ELMO1: variants seen among roughly 807,000 people sequenced by gnomAD.
ELMO1 encodes the protein engulfment and cell motility protein 1.
In ELMO1, 26 loss-of-function variants were observed where a neutral mutation model predicts 98.9. The ratio of observed to expected loss-of-function variants is 0.26; its 90% CI spans 0.19 to 0.36. The LOEUF (loss-of-function observed/expected upper bound fraction) is 0.36. Ranked by LOEUF, ELMO1 falls within the 10% of genes least tolerant of loss-of-function variation. The pLI is 1.00. For missense variants in ELMO1, 627 were observed against 935.2 expected, an observed-to-expected ratio of 0.67 and a Z score of 4.30; for synonymous variants, 346 against 346.0, an observed-to-expected ratio of 1.00 and a Z score of 0.00.
At chr7:37,289,689 C>A (rs898975676) in intron 4 of ELMO1, among the ~76,000 whole-genome samples, 3 of 152,200 alleles carry the variant, frequency 2.0e-5, no homozygotes, top group Admixed American at 6.5e-5. Context: ...TGGAAGCAAA[C>A]AACCCAGCAG....
chr7:37,170,400 A>T (rs1329668709), intron 13 of ELMO1, among the ~76,000 whole-genome samples: 2 of 152,198 alleles, frequency 1.3e-5, no homozygotes, highest in Non-Finnish European at 2.9e-5. Context: ...GAGATATACC[A>T]GAGCAGTTAC....
At chr7:37,272,806 A>G (rs191666122) in intron 4 of ELMO1, among the ~76,000 whole-genome samples, 11 of 152,386 alleles carry the variant, frequency 7.2e-5, no homozygotes, top group African/African-American at 2.6e-4. Context: ...TTTGCATGAA[A>G]TGTCCAGGAT....
At chr7:37,134,892 T>C (rs111452929) in intron 13 of ELMO1, among the ~76,000 whole-genome samples, 3 of 152,268 alleles carry the variant, frequency 2.0e-5, no homozygotes, top group African/African-American at 4.8e-5. Flanking sequence ...TGTGGAATGA[T>C]AGACAATGCA....
chr7:37,123,236 A>G (rs1212584521), intron 14 of ELMO1, among the ~76,000 whole-genome samples: 1 of 152,220 alleles, frequency 6.6e-6, no homozygotes, highest in Non-Finnish European at 1.5e-5. Flanking sequence ...CTAGAGAAGC[A>G]AGAGCAAACA....
At chr7:36,912,214 G>T (rs573761766) in intron 16 of ELMO1, among the ~76,000 whole-genome samples, 1 of 152,304 alleles carries the variant, frequency 6.6e-6, no homozygotes, top group East Asian at 1.9e-4. Flanking sequence ...CAACTTCTGA[G>T]ATACTGCATA....
chr7:37,102,917 G>T (rs1205892186), intron 14 of ELMO1, among the ~76,000 whole-genome samples: 1 of 152,200 alleles, frequency 6.6e-6, no homozygotes, highest in South Asian at 2.1e-4. Flanking sequence ...ACAAAGGAGT[G>T]ATCAGCACTG....
chr7:37,216,838 G>A (rs1793312442), intron 10 of ELMO1, 143 bp from the exon 11 acceptor site: 2 of 757,180 alleles, frequency 2.6e-6, no homozygotes, highest in Non-Finnish European at 4.3e-6. Flanking sequence ...CAAACAGGCA[G>A]TAGTATTCAA....
chr7:37,140,775 G>GA (rs140163188), intron 13 of ELMO1, among the ~76,000 whole-genome samples: 126,585 of 152,114 alleles, frequency 0.83, 53,351 homozygotes, highest in Non-Finnish European at 0.9. Flanking sequence ...CAAGCATACG[G>GA]AAAAAATGCT....
chr7:36,988,565 T>A (rs941484317), intron 16 of ELMO1, among the ~76,000 whole-genome samples: 1 of 152,186 alleles, frequency 6.6e-6, no homozygotes, highest in Non-Finnish European at 1.5e-5. Flanking sequence ...AAAACAGAGC[T>A]ATGAACTCTG....
intron 1 of ELMO1, among the ~76,000 whole-genome samples, chr7:37,407,018 T>C (rs1205635545): frequency 6.6e-6 from 1 of 152,176 alleles, no homozygotes; most frequent in African/African-American, 2.4e-5. Flanking sequence ...GAGAACACTT[T>C]GGTAATTTAT....
intron 2 of ELMO1, among the ~76,000 whole-genome samples, chr7:37,323,271 G>C (rs1380156339): frequency 6.6e-6 from 1 of 152,162 alleles, no homozygotes; most frequent in African/African-American, 2.4e-5. Flanking sequence ...TTCTTATTAA[G>C]GATGTATTCC....
chr7:37,301,371 C>T (rs1798334987), intron 4 of ELMO1, among the ~76,000 whole-genome samples: 1 of 151,880 alleles, frequency 6.6e-6, no homozygotes, highest in Non-Finnish European at 1.5e-5. Flanking sequence ...GTTATTCTCT[C>T]CTCTTTATCT....
At chr7:37,310,796 G>A (rs1798850493) in intron 4 of ELMO1, among the ~76,000 whole-genome samples, 1 of 152,144 alleles carries the variant, frequency 6.6e-6, no homozygotes. Context: ...GTCTCAGCTT[G>A]TCCACTTCTG....
At chr7:37,316,321 G>T (rs755184570) in intron 2 of ELMO1, among the ~76,000 whole-genome samples, 4 of 152,164 alleles carry the variant, frequency 2.6e-5, no homozygotes, top group Non-Finnish European at 5.9e-5. Flanking sequence ...AATCCCTCAG[G>T]AGTAGTACAT....
intron 15 of ELMO1, among the ~76,000 whole-genome samples, chr7:37,041,057 G>A (rs1367380141): frequency 2.0e-5 from 3 of 152,078 alleles, no homozygotes; most frequent in Non-Finnish European, 4.4e-5. Flanking sequence ...TCCAGCCTGG[G>A]CAACAGAGTG....
intron 1 of ELMO1, among the ~76,000 whole-genome samples, chr7:37,347,241 T>G (rs1801050694): frequency 6.6e-6 from 1 of 152,236 alleles, no homozygotes; most frequent in East Asian, 1.9e-4. Flanking sequence ...TAATCACTGT[T>G]ACTTCTGATG....
intron 16 of ELMO1, among the ~76,000 whole-genome samples, chr7:36,922,594 A>G (rs1785236211): frequency 6.6e-6 from 1 of 152,212 alleles, no homozygotes; most frequent in Non-Finnish European, 1.5e-5. Context: ...AGGGAAAGGA[A>G]GGAAAACAAG....
intron 1 of ELMO1, among the ~76,000 whole-genome samples, chr7:37,355,986 T>C (rs1436491177): frequency 6.6e-6 from 1 of 152,048 alleles, no homozygotes; most frequent in East Asian, 1.9e-4. Context: ...AGACAGAGGG[T>C]AGTGTTAGGG....
intron 2 of ELMO1, among the ~76,000 whole-genome samples, chr7:37,320,604 C>T (rs983763214): frequency 7.9e-5 from 12 of 152,234 alleles, no homozygotes; most frequent in East Asian, 7.7e-4. Context: ...CCTCTGTGTA[C>T]TTAGCACATT....
Sources: gnomAD v4.1 joint callset for allele counts (sites outside exome capture counted in the v4.1 genomes callset) on GRCh38, gnomAD v4.1.1 for gene constraint, MANE v1.5 for transcripts, NCBI Gene and HGNC (gene_info 2026-07-23, HGNC 2026-07-21) for gene names.